Variants in EYA1 observed in about 807,000 individuals in gnomAD.
The protein encoded by EYA1 is EYA transcriptional coactivator and phosphatase 1, also known as protein phosphatase EYA1.
A neutral mutation model predicts 82.0 loss-of-function variants in EYA1; 16 were observed. The ratio of observed to expected loss-of-function variants is 0.20; its 90% confidence interval spans 0.13 to 0.30. The LOEUF (loss-of-function observed/expected upper bound fraction) is 0.30. Among genes scored for constraint, EYA1 ranks in the 10% least tolerant of loss-of-function variants. The probability of loss-of-function intolerance (pLI) is 1.00; values close to 1 mark genes in which losing one functional copy is unlikely to be tolerated. For missense variants in EYA1, 633 were observed against 730.7 expected, an observed-to-expected ratio of 0.87 and a Z score of 1.54; for synonymous variants, 261 against 264.4, an observed-to-expected ratio of 0.99 and a Z score of 0.12.
intron 4 of EYA1, among the ~76,000 whole-genome samples, chr8:71,324,777 T>C (rs1470178020): frequency 1.3e-5 from 2 of 152,160 alleles, no homozygotes; most frequent in Non-Finnish European, 2.9e-5. Flanking sequence ...CATCTTGTTT[T>C]CCCCTCTATT....
At chr8:71,407,827 A>G (rs1278662238) in intron 2 of EYA1, among the ~76,000 whole-genome samples, 1 of 149,046 alleles carries the variant, frequency 6.7e-6, no homozygotes, top group Admixed American at 6.7e-5. Context: ...AACTTCCCCA[A>G]TCTAGCAAGG....
chr8:71,459,177 T>G (rs149275548), intron 2 of EYA1, among the ~76,000 whole-genome samples: 1 of 152,388 alleles, frequency 6.6e-6, no homozygotes, highest in East Asian at 1.9e-4. Flanking sequence ...GTGCTCATTA[T>G]GGCATGCCCC....
At chr8:71,417,554 T>C (rs1830921352) in intron 2 of EYA1, among the ~76,000 whole-genome samples, 1 of 152,192 alleles carries the variant, frequency 6.6e-6, no homozygotes, top group Non-Finnish European at 1.5e-5. Flanking sequence ...TTGTTTGCAG[T>C]TTGTAGTGAT....
intron 3 of EYA1, among the ~76,000 whole-genome samples, chr8:71,335,695 A>T (rs1824403595): frequency 6.6e-6 from 1 of 152,042 alleles, no homozygotes; most frequent in Admixed American, 6.6e-5. Flanking sequence ...GCTTTTCATC[A>T]CCATTACACT....
At chr8:71,265,700 A>T (rs762514426) in intron 11 of EYA1, among the ~76,000 whole-genome samples, 1 of 152,260 alleles carries the variant, frequency 6.6e-6, no homozygotes, top group Non-Finnish European at 1.5e-5. Context: ...AGACCATTCA[A>T]TGAAAAATAA....
chr8:71,267,027 T>C lies in EYA1; in HGVS notation c.1050+2713A>G, dbSNP rs529593480. 7.2e-5 allele frequency among the ~76,000 whole-genome samples: 11 copies of C among 152,328 alleles called. No homozygotes were observed. In the South Asian group the frequency reaches 2.3e-3, roughly 32 times the overall value. ...CCATCTCTACTGCTGGTGCCTCAGATCACTGCTACAACCTCCAATTTGGAC... is the reference window on the plus strand; with the variant it reads ...CCATCTCTACTGCTGGTGCCTCAGACCACTGCTACAACCTCCAATTTGGAC... On this transcript the variant is annotated intron_variant, in intron 11 of 17. Coordinates refer to ENST00000340726, the MANE Select transcript of EYA1 (RefSeq NM_000503.6).
chr8:71,493,196 G>C (rs1348428034), intron 2 of EYA1, among the ~76,000 whole-genome samples: 1 of 152,136 alleles, frequency 6.6e-6, no homozygotes, highest in Non-Finnish European at 1.5e-5. Context: ...CCATGTCTTG[G>C]CTATCATGAA....
chr8:71,337,108 G>A (rs1429839283), intron 3 of EYA1, among the ~76,000 whole-genome samples: 2 of 152,068 alleles, frequency 1.3e-5, no homozygotes, highest in South Asian at 2.1e-4. Context: ...TCTCTCCAAC[G>A]CTTTGAATTT....
chr8:71,458,331 C>T (rs1808112414), intron 2 of EYA1, among the ~76,000 whole-genome samples: 1 of 151,948 alleles, frequency 6.6e-6, no homozygotes, highest in Non-Finnish European at 1.5e-5. Context: ...TACAGGGGTA[C>T]TTCCTGAAAC....
chr8:71,394,351 C>A (rs1009408134), intron 2 of EYA1, among the ~76,000 whole-genome samples: 1 of 152,150 alleles, frequency 6.6e-6, no homozygotes, highest in Non-Finnish European at 1.5e-5. Context: ...GTGTTTTAGT[C>A]ATGAAGCCCT....
chr8:71,284,143 T>C (rs1377219879), intron 9 of EYA1, among the ~76,000 whole-genome samples: 1 of 152,148 alleles, frequency 6.6e-6, no homozygotes, highest in Non-Finnish European at 1.5e-5. Context: ...CTCTGATGGG[T>C]ACCTGCCTGG....
chr8:71,421,592 A>C (rs1176573683), intron 2 of EYA1, among the ~76,000 whole-genome samples: 1 of 152,158 alleles, frequency 6.6e-6, no homozygotes, highest in Non-Finnish European at 1.5e-5. Context: ...GGGGTAGGGC[A>C]ACTTGTGGAT....
At position 71,207,710 on chromosome 8, in the gene EYA1, C is replaced by T. The variant is rs560438871; in HGVS notation, c.1698+3446G>A. 1.5e-4 allele frequency among the ~76,000 whole-genome samples: 23 copies of T among 151,634 alleles called. No homozygotes were observed. The South Asian group carries it at 3.7e-3, about 25-fold the overall frequency. On this transcript the variant is annotated intron_variant, in intron 17 of 17. Coordinates refer to ENST00000340726, the MANE Select transcript of EYA1 (RefSeq NM_000503.6). Reference sequence around the variant, plus strand: ...GGAAACAATCTTTTTTTAAGCCATTCTATATTTAATTTTATTCTGTAATTG... The same window carrying T: ...GGAAACAATCTTTTTTTAAGCCATTTTATATTTAATTTTATTCTGTAATTG...
chr8:71,485,332 CAT>C (rs1406400905), intron 2 of EYA1, among the ~76,000 whole-genome samples: 1 of 152,046 alleles, frequency 6.6e-6, no homozygotes, highest in Non-Finnish European at 1.5e-5. Flanking sequence ...TATTTTGAGA[CAT>C]ATGTCTTTTC....
intron 16 of EYA1, 47 bp downstream of exon 16, chr8:71,215,340 C>G (rs1191127072): frequency 6.3e-7 from 1 of 1,592,326 alleles, no homozygotes; most frequent in African/African-American, 1.3e-5. Context: ...TTTTATTATC[C>G]TGAAGGAAAA....
At chr8:71,426,121 A>G (rs1805211993) in intron 2 of EYA1, among the ~76,000 whole-genome samples, 1 of 152,234 alleles carries the variant, frequency 6.6e-6, no homozygotes, top group Admixed American at 6.5e-5. Flanking sequence ...AAGTTAATCA[A>G]ATACTTTAGT....
At chr8:71,349,867 A>C (rs1826133495) in intron 3 of EYA1, among the ~76,000 whole-genome samples, 1 of 152,206 alleles carries the variant, frequency 6.6e-6, no homozygotes, top group South Asian at 2.1e-4. Context: ...CATCACAGTG[A>C]CTAATAATAG....
intron 2 of EYA1, among the ~76,000 whole-genome samples, chr8:71,438,890 C>T (rs1244402738): frequency 6.6e-6 from 1 of 152,096 alleles, no homozygotes; most frequent in Non-Finnish European, 1.5e-5. Context: ...GTGGATCTGA[C>T]AGGTCACAGC....
chr8:71,292,203 C>T (rs116787723), intron 9 of EYA1, among the ~76,000 whole-genome samples: 3,656 of 152,028 alleles, frequency 0.024, 164 homozygotes, highest in African/African-American at 0.083. Context: ...TAAGCTTTTA[C>T]GATCAGTACA....
Sources: gnomAD v4.1 joint callset for allele counts (sites outside exome capture counted in the v4.1 genomes callset) on GRCh38, gnomAD v4.1.1 for gene constraint, MANE v1.5 for transcripts, NCBI Gene and HGNC (gene_info 2026-07-23, HGNC 2026-07-21) for gene names.